Variants in ANKRD31 observed in about 807,000 individuals in gnomAD.
ANKRD31 encodes the protein ankyrin repeat domain 31.
A neutral mutation model predicts 186.0 loss-of-function variants in ANKRD31; 147 were observed. That is an observed-to-expected ratio of 0.79 (90% CI 0.69 to 0.91). The LOEUF is 0.91. Ranked by LOEUF, ANKRD31 falls within the 40% of genes least tolerant of loss-of-function variation. The pLI is 0.00. For missense variants in ANKRD31, 1,986 were observed against 2,148.8 expected, an observed-to-expected ratio of 0.92 and a Z score of 1.50; for synonymous variants, 673 against 736.4, an observed-to-expected ratio of 0.91 and a Z score of 1.39.
At chr5:75,195,328 T>C (rs1198462195) in intron 7 of ANKRD31, among the ~76,000 whole-genome samples, 2 of 152,170 alleles carry the variant, frequency 1.3e-5, no homozygotes, top group Admixed American at 1.3e-4. Context: ...AATCTAAAGA[T>C]ATGTCTTCTC....
intron 20 of ANKRD31, among the ~76,000 whole-genome samples, chr5:75,111,358 T>A (rs1237207042): frequency 1.3e-5 from 2 of 152,186 alleles, no homozygotes; most frequent in Admixed American, 1.3e-4. Context: ...TCATCTTGGA[T>A]GCAAAAGACA....
intron 9 of ANKRD31, among the ~76,000 whole-genome samples, chr5:75,189,255 A>G (rs1188110341): frequency 6.6e-6 from 1 of 152,196 alleles, no homozygotes; most frequent in Non-Finnish European, 1.5e-5. Flanking sequence ...TTTCCAGATA[A>G]TGTATATCAA....
At chr5:75,177,779 A>G (rs917274486) in intron 10 of ANKRD31, among the ~76,000 whole-genome samples, 2 of 152,230 alleles carry the variant, frequency 1.3e-5, no homozygotes, top group African/African-American at 4.8e-5. Context: ...CTACAAAAAC[A>G]TGCCAAATTG....
intron 2 of ANKRD31, chr5:75,225,463 A>G: frequency 5.8e-6 from 1 of 173,104 alleles, no homozygotes; most frequent in East Asian, 1.7e-4. Context: ...TATTAATTTG[A>G]AAATAGTAGG....
chr5:75,114,796 T>C (rs1192683450), intron 19 of ANKRD31, among the ~76,000 whole-genome samples: 2 of 152,150 alleles, frequency 1.3e-5, no homozygotes, highest in East Asian at 3.9e-4. Flanking sequence ...TGCTCATGGA[T>C]AGGAAGAATC....
chr5:75,182,541 A>C (rs908972847), intron 10 of ANKRD31, among the ~76,000 whole-genome samples: 2 of 152,088 alleles, frequency 1.3e-5, no homozygotes, highest in Admixed American at 1.3e-4. Context: ...CAACATGGTA[A>C]AACCCCATCT....
chr5:75,203,517 G>T (rs1755946421), intron 5 of ANKRD31, among the ~76,000 whole-genome samples: 1 of 151,896 alleles, frequency 6.6e-6, no homozygotes, highest in Non-Finnish European at 1.5e-5. Flanking sequence ...ACAAAAATTA[G>T]CCAGGCCTGG....
At chr5:75,091,512 G>T in intron 22 of ANKRD31, 111 bp from the exon 23 acceptor site, 1 of 927,594 alleles carries the variant, frequency 1.1e-6, no homozygotes, top group Non-Finnish European at 1.6e-6. Flanking sequence ...AACACCTGAT[G>T]TATTTTTGTA....
At chr5:75,141,830 T>C (rs1751073360) in intron 15 of ANKRD31, among the ~76,000 whole-genome samples, 1 of 152,016 alleles carries the variant, frequency 6.6e-6, no homozygotes, top group Non-Finnish European at 1.5e-5. Flanking sequence ...ACTCTCCCAA[T>C]AATTCTTACT....
chr5:75,115,101 CTG>C, intron 19 of ANKRD31, among the ~76,000 whole-genome samples: 1 of 151,636 alleles, frequency 6.6e-6, no homozygotes, highest in African/African-American at 2.4e-5. Flanking sequence ...AGAAATAACG[CTG>C]CATATCTACA....
intron 17 of ANKRD31, among the ~76,000 whole-genome samples, chr5:75,131,488 G>C (rs1006157059): frequency 6.6e-6 from 1 of 152,224 alleles, no homozygotes; most frequent in Admixed American, 6.5e-5. Context: ...GCTGAGGCTT[G>C]AGAAGGTAAA....
intron 22 of ANKRD31, among the ~76,000 whole-genome samples, chr5:75,101,940 TC>T (rs1365270142): frequency 1.3e-5 from 2 of 152,232 alleles, no homozygotes; most frequent in African/African-American, 4.8e-5. Flanking sequence ...CTTGTCAAAG[TC>T]ATTTTCCATC....
chr5:75,104,397 C>A lies in ANKRD31; in HGVS notation c.5162G>T (p.Cys1721Phe). The A allele has an allele frequency of 6.5e-7, 1 of 1,537,156 alleles. No homozygotes were observed. Among genetic ancestry groups the A allele is most frequent in the African/African-American group, 1.4e-5 (1 of 73,136 alleles). Residue 1721 changes from cysteine to phenylalanine, a missense_variant, in exon 22 of 26, where the codon TGT becomes TTT. Coordinates refer to ENST00000506364, the MANE Select transcript of ANKRD31 (RefSeq NM_001372053.1). ...YLKKSVSVVP[C>F]ADDSQISSSS... ...AGAGGAGATCTGACTGTCATCTGCA[C>A]ATGGAACAACAGAAACTGATTTTTT...
At chr5:75,179,719 G>A (rs1034783933) in intron 10 of ANKRD31, among the ~76,000 whole-genome samples, 2 of 152,124 alleles carry the variant, frequency 1.3e-5, no homozygotes, top group East Asian at 3.9e-4. Flanking sequence ...ATTAGGTATT[G>A]ATGGGACATA....
chr5:75,158,806 T>G (rs1234311129), intron 11 of ANKRD31, among the ~76,000 whole-genome samples: 1 of 151,314 alleles, frequency 6.6e-6, no homozygotes, highest in Non-Finnish European at 1.5e-5. Context: ...GAGAGAGAGA[T>G]AGTGAGAAGG....
At chr5:75,209,655 T>C (rs1005324999) in intron 4 of ANKRD31, among the ~76,000 whole-genome samples, 54 of 152,102 alleles carry the variant, frequency 3.6e-4, no homozygotes, top group African/African-American at 1.2e-3. Flanking sequence ...CCAGCCTGGG[T>C]GACAGACTGA....
chr5:75,198,264 C>T (rs1009661096), intron 6 of ANKRD31, among the ~76,000 whole-genome samples: 19 of 152,196 alleles, frequency 1.2e-4, no homozygotes, highest in African/African-American at 4.6e-4. Context: ...TCTCCTGTCT[C>T]CTTGCTGGCC....
At chr5:75,113,705 A>T (rs947274028) in intron 19 of ANKRD31, among the ~76,000 whole-genome samples, 15 of 152,246 alleles carry the variant, frequency 9.9e-5, no homozygotes, top group Non-Finnish European at 1.9e-4. Context: ...TTAAAAGTAC[A>T]TAATAAAATA....
At chr5:75,181,955 AT>A (rs778433206) in intron 10 of ANKRD31, among the ~76,000 whole-genome samples, 5 of 152,114 alleles carry the variant, frequency 3.3e-5, no homozygotes, top group East Asian at 1.9e-4. Context: ...AATAAAAAAA[AT>A]AAAACACACT....
Sources: gnomAD v4.1 joint callset for allele counts (sites outside exome capture counted in the v4.1 genomes callset) on GRCh38, gnomAD v4.1.1 for gene constraint, MANE v1.5 for transcripts, NCBI Gene and HGNC (gene_info 2026-07-23, HGNC 2026-07-21) for gene names.